ABHD12B: variants seen among roughly 807,000 people sequenced by gnomAD.
ABHD12B encodes abhydrolase domain containing 12B.
A neutral mutation model predicts 50.4 loss-of-function variants in ABHD12B; 42 were observed. The observed-to-expected ratio is 0.83, with a 90% CI of 0.65 to 1.08. The LOEUF is 1.08. Ranked by LOEUF, ABHD12B falls within the 50% of genes least tolerant of loss-of-function variation. The pLI is 0.00. For synonymous variants in ABHD12B, 167 were observed against 160.3 expected, an observed-to-expected ratio of 1.04 and a Z score of -0.32; for missense variants, 479 against 447.7, an observed-to-expected ratio of 1.07 and a Z score of -0.63.
Position 50,901,861 on chromosome 14 carries a change from A to G in ABHD12B, c.813A>G (p.Thr271=), listed in dbSNP as rs144242298. 5.5e-4 allele frequency: 883 copies of G among 1,592,602 alleles called. No individual in the cohort carries two copies. The highest frequency in any genetic ancestry group is 7.3e-4 in the Non-Finnish European group (858 of 1,174,442). The change falls in exon 10 of 13, where the codon ACA becomes ACG. Residue 271 remains threonine (T), a synonymous_variant. Transcript: ENST00000337334. The part of the protein sequence containing the change: ...IYRNIPGFLR[T]LMDALRKDKI... ...GGAACATTCCAGGATTTTTACGTAC[A>G]CTTATGGATGCCCTGAGAAAAGACA...
intron 1 of ABHD12B, among the ~76,000 whole-genome samples, chr14:50,874,555 G>C (rs973269216): frequency 6.6e-6 from 1 of 151,608 alleles, no homozygotes; most frequent in Non-Finnish European, 1.5e-5. Context: ...AGCCGAGATC[G>C]CACCACTGCA....
rs771163983 is a variant in ABHD12B at position 50,903,456 on chromosome 14, T to C, written c.931T>C (p.Tyr311His). The change falls in exon 11 of 13, where the codon TAT becomes CAT. Residue 311 changes from tyrosine (Y) to histidine (H), a missense_variant. Tyr to His is a moderately conservative substitution (Grantham distance 83, BLOSUM62 2). Coordinates refer to ENST00000337334, the MANE Select transcript of ABHD12B (RefSeq NM_001206673.2). ...GGATGACAGGACAGTGCCTTTGGAG[T>C]ATGGGAAAAAGGTAAACTAAGGGCT... ...GEDDRTVPLE[Y>H]GKKLYEIARN... 6.2e-7 allele frequency: 1 copy of C among 1,611,702 alleles called. No homozygotes were observed. Among genetic ancestry groups the C allele is most frequent in the South Asian group, 1.1e-5 (1 of 90,960 alleles).
At chr14:50,889,045 C>A in intron 9 of ABHD12B, 142 bp downstream of exon 9, 1 of 604,976 alleles carries the variant, frequency 1.7e-6, no homozygotes, top group Non-Finnish European at 2.6e-6. Context: ...TAATCTGAGA[C>A]AGTTTATTAA....
chr14:50,892,757 T>C (rs1440493251), intron 9 of ABHD12B: 1 of 297,140 alleles, frequency 3.4e-6, no homozygotes, highest in Non-Finnish European at 5.0e-6. Flanking sequence ...ATTTTTACTA[T>C]TTTTTTCTAA....
intron 3 of ABHD12B, among the ~76,000 whole-genome samples, 172 bp downstream of exon 3, chr14:50,879,019 T>C (rs553116885): frequency 3.3e-5 from 5 of 152,264 alleles, no homozygotes; most frequent in Non-Finnish European, 5.9e-5. Flanking sequence ...TTCCTAAGAA[T>C]TTTGCTTTGG....
chr14:50,886,992 G>T (rs2050048891), intron 8 of ABHD12B, among the ~76,000 whole-genome samples: 2 of 151,934 alleles, frequency 1.3e-5, no homozygotes, highest in African/African-American at 4.8e-5. Flanking sequence ...GAGGTGGGTG[G>T]ATCACGAGGT....
chr14:50,879,384 A>T (rs1331746695), intron 3 of ABHD12B, among the ~76,000 whole-genome samples: 2 of 152,168 alleles, frequency 1.3e-5, no homozygotes, highest in African/African-American at 4.8e-5. Flanking sequence ...TGTCTTCCTT[A>T]CAAGACTATA....
At chr14:50,884,702 C>CT (rs35439744) in intron 5 of ABHD12B, among the ~76,000 whole-genome samples, 5 of 126,590 alleles carry the variant, frequency 3.9e-5, no homozygotes, top group African/African-American at 1.5e-4. Flanking sequence ...TGTATTTCTT[C>CT]TTTTTTTTTT....
intron 5 of ABHD12B, 139 bp downstream of exon 5, chr14:50,881,765 T>TTTGAGCCCCAGA: frequency 1.0e-6 from 1 of 955,050 alleles, no homozygotes; most frequent in Non-Finnish European, 1.6e-6. Context: ...TGTCTGGGGC[T>TTTGAGCCCCAGA]CAAAGTCCCA....
chr14:50,880,820 A>T (rs1339251665), intron 4 of ABHD12B, among the ~76,000 whole-genome samples: 8 of 152,256 alleles, frequency 5.3e-5, no homozygotes, highest in Non-Finnish European at 1.0e-4. Context: ...TGTTGATTTC[A>T]AAGAAAGTGA....
rs35439744 is a variant in ABHD12B, at chr14:50,884,702, C to CTT, written c.487-881_487-880dup. On this transcript the variant is annotated intron_variant, in intron 5 of 12. Transcript: ENST00000337334. ...TTCTTTATCTATGATTGTATTTCTT[C>CTT]TTTTTTTTTTTTTTTTTTTTTTTTT... 7.9e-5 allele frequency among the ~76,000 whole-genome samples: 10 copies of CTT among 126,590 alleles called. 1 individual carries two copies. The highest frequency in any genetic ancestry group is 2.4e-4 in the African/African-American group (8 of 33,822). 83.0% of individuals were successfully genotyped at this position (126,590 alleles called of 152,430 possible).
At chr14:50,894,981 C>A (rs535935904) in intron 9 of ABHD12B, among the ~76,000 whole-genome samples, 13 of 148,884 alleles carry the variant, frequency 8.7e-5, no homozygotes, top group South Asian at 8.3e-4. Context: ...AGCCCTCCCC[C>A]ACCTGCCCAG....
At chr14:50,895,997 C>T (rs1371147655) in intron 9 of ABHD12B, among the ~76,000 whole-genome samples, 1 of 152,150 alleles carries the variant, frequency 6.6e-6, no homozygotes, top group African/African-American at 2.4e-5. Context: ...AGCTATATCT[C>T]ATTGCCGCCC....
chr14:50,892,916 A>T (rs140900333), intron 9 of ABHD12B: 2 of 152,206 alleles, frequency 1.3e-5, no homozygotes. Context: ...AGTATGATTC[A>T]TAACTTCTAT....
In ABHD12B at chr14:50,872,252, G is replaced by A. The variant is rs968722965; in HGVS notation, c.78G>A (p.Trp26Ter). Residue 26 changes from tryptophan (W) to a stop codon, truncating the protein, a stop_gained, in exon 1 of 13, where the codon TGG becomes TGA. Coordinates refer to ENST00000337334, the MANE Select transcript of ABHD12B (RefSeq NM_001206673.2). LOFTEE classifies it high-confidence loss of function. ...GPPARSCVAAWWDMVDRNLRY... is the reference protein window; with the variant it reads ...GPPARSCVAA Reference sequence around the variant, plus strand: ...CAGCCCGTAGCTGCGTGGCCGCCTGGTGGGACATGGTCGACCGCAACCTGC... The same window carrying A: ...CAGCCCGTAGCTGCGTGGCCGCCTGATGGGACATGGTCGACCGCAACCTGC... The A allele has an allele frequency of 2.9e-6, 4 of 1,388,410 alleles. No homozygotes were observed. The highest frequency in any genetic ancestry group is 2.9e-5 in the Admixed American group (1 of 34,870). The allele number at this position is 1,388,410 out of a possible 1,614,324, so 86.0% of individuals were successfully genotyped here.
chr14:50,887,352 A>G (rs1009201173), intron 8 of ABHD12B, among the ~76,000 whole-genome samples: 2 of 152,044 alleles, frequency 1.3e-5, no homozygotes, highest in Non-Finnish European at 2.9e-5. Context: ...AGGGTTTCTC[A>G]AAGTGATCTA....
chr14:50,889,936 TTAAC>T (rs1407686454), intron 9 of ABHD12B, among the ~76,000 whole-genome samples: 2 of 152,222 alleles, frequency 1.3e-5, no homozygotes, highest in African/African-American at 4.8e-5. Context: ...TGAAACTTAC[TTAAC>T]TATTTTCAGG....
At position 50,878,756 on chromosome 14, in the gene ABHD12B, T is replaced by C. The variant is rs2049896951; in HGVS notation, c.244T>C (p.Phe82Leu). The change falls in exon 3 of 13, where the codon TTT (phenylalanine) becomes CTT (leucine). Residue 82 changes from phenylalanine (F) to leucine (L), a missense_variant. Transcript: ENST00000337334. ...LIYFNFFKAP[F>L]LVDLKKPELK... ...TTTTTACTTTCCAGTCAAAGCCCCATTTCTTGTGGATTTAAAGAAACCAGA... is the reference window on the plus strand; with the variant it reads ...TTTTTACTTTCCAGTCAAAGCCCCACTTCTTGTGGATTTAAAGAAACCAGA... 2 of 1,613,370 alleles carry C rather than the reference T, an allele frequency of 1.2e-6. No homozygotes were observed. The highest frequency in any genetic ancestry group is 8.5e-7 in the Non-Finnish European group (1 of 1,179,390).
At chr14:50,895,026 G>GCTC (rs2050177387) in intron 9 of ABHD12B, among the ~76,000 whole-genome samples, 1 of 149,464 alleles carries the variant, frequency 6.7e-6, no homozygotes, top group Non-Finnish European at 1.5e-5. Flanking sequence ...GGAGCTAAAG[G>GCTC]CATAGTCAAG....
Sources: gnomAD v4.1 joint callset for allele counts (sites outside exome capture counted in the v4.1 genomes callset) on GRCh38, gnomAD v4.1.1 for gene constraint, MANE v1.5 for transcripts, NCBI Gene and HGNC (gene_info 2026-07-23, HGNC 2026-07-21) for gene names.